STK32C: variants seen among roughly 807,000 people sequenced by gnomAD.
The protein encoded by STK32C is serine/threonine-protein kinase 32C.
STK32C carries 31 observed loss-of-function variants against 56.5 expected under a neutral mutation model. The ratio of observed to expected loss-of-function variants is 0.55; its 90% CI spans 0.41 to 0.74. STK32C has a LOEUF of 0.74. Ranked by LOEUF, STK32C falls within the 30% of genes least tolerant of loss-of-function variation. STK32C has a pLI of 0.00. For synonymous variants in STK32C, 309 were observed against 289.4 expected (o/e 1.07, Z -0.69); for missense variants, 544 against 676.9 (o/e 0.80, Z 2.18).
intron 8 of STK32C, among the ~76,000 whole-genome samples, chr10:132,223,260 A>C (rs1479009822): frequency 6.6e-6 from 1 of 152,220 alleles, no homozygotes; most frequent in Non-Finnish European, 1.5e-5. Context: ...TCTGCAGGGA[A>C]GGCTCTGCTG....
chr10:132,239,899 C>T (rs778324419), intron 2 of STK32C, among the ~76,000 whole-genome samples: 4 of 152,220 alleles, frequency 2.6e-5, no homozygotes, highest in Non-Finnish European at 4.4e-5. Context: ...ACGCATCACT[C>T]GCCATGGGAA....
rs983025895 is a variant in STK32C at position 132,215,084 on chromosome 10, T to C, written c.1252-5983A>G. Among the ~76,000 whole-genome samples the C allele has an allele frequency of 2.6e-5, 4 of 152,174 alleles. No individual in the cohort carries two copies. In the East Asian group the frequency reaches 7.7e-4, roughly 29 times the overall value. ...CCCAGACTGGAGTGCAGGGGCATGATCATAGCTTACTGCAGCCTTGAACTC... is the reference window on the plus strand; with the variant it reads ...CCCAGACTGGAGTGCAGGGGCATGACCATAGCTTACTGCAGCCTTGAACTC... On this transcript the variant is annotated intron_variant, in intron 10 of 11. Coordinates refer to ENST00000298630, the MANE Select transcript of STK32C (RefSeq NM_173575.4).
rs1038916140 is a variant in STK32C at position 132,228,405 on chromosome 10, G to A, written c.319-277C>T. Among the ~76,000 whole-genome samples the A allele has an allele frequency of 2.6e-5, 4 of 152,130 alleles. No homozygotes were observed. In the East Asian group the frequency reaches 5.8e-4, roughly 22 times the overall value. On this transcript the variant is annotated intron_variant, in intron 2 of 11. Coordinates refer to ENST00000298630, the MANE Select transcript of STK32C (RefSeq NM_173575.4). Reference sequence around the variant, plus strand: ...GTACTGGTTAGTGTGTGGCCCTGGCGGCACCTGTCTCAGTGACATCCTGGC... The same window carrying A: ...GTACTGGTTAGTGTGTGGCCCTGGCAGCACCTGTCTCAGTGACATCCTGGC...
chr10:132,267,599 G>A (rs915496750), intron 1 of STK32C, among the ~76,000 whole-genome samples: 3 of 151,664 alleles, frequency 2.0e-5, no homozygotes, highest in Non-Finnish European at 2.9e-5. Flanking sequence ...GCATGTGCAT[G>A]CATGTGTATG....
intron 2 of STK32C, among the ~76,000 whole-genome samples, chr10:132,240,209 G>A (rs926234964): frequency 1.3e-5 from 2 of 152,226 alleles, no homozygotes; most frequent in Non-Finnish European, 2.9e-5. Flanking sequence ...CCAGAACCCG[G>A]ACACCTGCAA....
intron 1 of STK32C, among the ~76,000 whole-genome samples, chr10:132,251,941 C>G (rs2063924314): frequency 6.7e-6 from 1 of 149,732 alleles, no homozygotes; most frequent in Non-Finnish European, 1.5e-5. Flanking sequence ...CCACTACCCA[C>G]CACAGGCAGG....
chr10:132,251,216 G>A (rs1004744511), intron 1 of STK32C, among the ~76,000 whole-genome samples: 1 of 152,210 alleles, frequency 6.6e-6, no homozygotes, highest in Non-Finnish European at 1.5e-5. Context: ...CTGCTCCCAG[G>A]CCCTACCCAG....
chr10:132,258,519 C>T lies in STK32C; in HGVS notation c.263-12564G>A, dbSNP rs370326605. Among the ~76,000 whole-genome samples the T allele has an allele frequency of 1.8e-3, 275 of 152,340 alleles. 2 individuals are homozygous for T. Among genetic ancestry groups the T allele is most frequent in the African/African-American group, 6.1e-3 (253 of 41,576 alleles). The stretch of plus-strand genomic sequence containing the variant: ...GCGCTCTCCTGGGTGCCTAGGCCAG[C>T]GCGTTCTCCTGGAAGGACAGGTCCA... On this transcript the variant is annotated intron_variant, in intron 1 of 11. Transcript: ENST00000298630.
At chr10:132,263,059 A>G (rs1182410975) in intron 1 of STK32C, among the ~76,000 whole-genome samples, 2 of 152,216 alleles carry the variant, frequency 1.3e-5, no homozygotes, top group Non-Finnish European at 2.9e-5. Context: ...AAAATATAGA[A>G]CTACCATTTG....
At chr10:132,237,180 GTGCTCCCTGGACT>G (rs1565094066) in intron 2 of STK32C, among the ~76,000 whole-genome samples, 1 of 52,608 alleles carries the variant, frequency 1.9e-5, no homozygotes, top group Non-Finnish European at 5.8e-5. Context: ...CTCCCTGACT[GTGCTCCCTGGACT>G]GTGCTCCCTG....
upstream of STK32C, chr10:132,332,194 T>C (rs1208127073): frequency 6.4e-6 from 1 of 156,312 alleles, no homozygotes; most frequent in Non-Finnish European, 1.4e-5. Context: ...GTGGCCTCCA[T>C]TGTCGGGCTG....
At position 132,230,685 on chromosome 10, in the gene STK32C, G is replaced by A. The variant is rs908272741; in HGVS notation, c.319-2557C>T. 3.0e-4 allele frequency among the ~76,000 whole-genome samples: 43 copies of A among 143,612 alleles called. 5 individuals are homozygous for A. Among genetic ancestry groups the A allele is most frequent in the African/African-American group, 6.1e-4 (24 of 39,460 alleles). The allele number at this position is 143,612 out of a possible 152,430, so 94.2% of individuals were successfully genotyped here. ...CTGCTGGGGGGGAAGCTGGCGGGGGGGGGGGGGCTGCAGAGCCCACCTCTG... is the reference window on the plus strand; with the variant it reads ...CTGCTGGGGGGGAAGCTGGCGGGGGAGGGGGGGCTGCAGAGCCCACCTCTG... On this transcript the variant is annotated intron_variant, in intron 2 of 11. Coordinates refer to ENST00000298630, the MANE Select transcript of STK32C (RefSeq NM_173575.4).
At chr10:132,232,789 C>T (rs1014431226) in intron 2 of STK32C, among the ~76,000 whole-genome samples, 7 of 151,916 alleles carry the variant, frequency 4.6e-5, no homozygotes, top group African/African-American at 1.2e-4. Context: ...GAGGCCACAG[C>T]GCCACCCGGA....
chr10:132,240,887 G>A (rs2063476339), intron 2 of STK32C, among the ~76,000 whole-genome samples: 1 of 151,994 alleles, frequency 6.6e-6, no homozygotes, highest in African/African-American at 2.4e-5. Flanking sequence ...TCTGGGCAAG[G>A]GGCTCTCGAA....
At chr10:132,321,329 A>G (rs75503638), downstream of STK32C, among the ~76,000 whole-genome samples, 12,844 of 152,220 alleles carry the variant, frequency 0.084, 688 homozygotes, top group African/African-American at 0.15. Context: ...CTGCAGAGTA[A>G]GAGGTAAATG....
chr10:132,212,829 C>T (rs2062355040), intron 10 of STK32C, among the ~76,000 whole-genome samples: 1 of 152,256 alleles, frequency 6.6e-6, no homozygotes, highest in African/African-American at 2.4e-5. Context: ...ATGACTTTTC[C>T]TGGACCTATC....
At chr10:132,224,560 G>A in intron 7 of STK32C, 37 bp from the exon 8 acceptor site, 1 of 1,496,726 alleles carries the variant, frequency 6.7e-7, no homozygotes, top group Non-Finnish European at 9.2e-7. Context: ...AGGTCCTCCT[G>A]GCCCCCAGGA....
At chr10:132,225,174 G>T in intron 7 of STK32C, 59 bp downstream of exon 7, 1 of 1,416,984 alleles carries the variant, frequency 7.1e-7, no homozygotes, top group Non-Finnish European at 9.6e-7. Flanking sequence ...CCCCAGCACT[G>T]GTGGGGGCAG....
chr10:132,314,364 C>T (rs866461653), intron 1 of STK32C, among the ~76,000 whole-genome samples: 1 of 152,142 alleles, frequency 6.6e-6, no homozygotes, highest in Non-Finnish European at 1.5e-5. Flanking sequence ...GGGTGGCTAT[C>T]GTGATCCACA....
Sources: allele counts gnomAD v4.1 joint callset (sites outside exome capture counted in the v4.1 genomes callset), GRCh38; gene constraint gnomAD v4.1.1; transcripts MANE v1.5; gene names NCBI Gene and HGNC (gene_info 2026-07-23, HGNC 2026-07-21).